Variants in GPR176 observed in about 807,000 individuals in gnomAD.
GPR176 encodes G-protein coupled receptor 176.
Under a neutral mutation model 35.4 loss-of-function variants are expected in GPR176, and 26 were observed. The observed-to-expected ratio is 0.74, with a 90% CI of 0.54 to 1.02. GPR176 has a LOEUF of 1.02. GPR176 is among the 50% of genes least tolerant of loss of function. GPR176 has a pLI of 0.00. For synonymous variants in GPR176, 278 were observed against 271.3 expected (o/e 1.02, Z -0.24); for missense variants, 597 against 665.3 (o/e 0.90, Z 1.13).
chr15:39,903,875 G>A (rs893357932), intron 1 of GPR176, among the ~76,000 whole-genome samples: 1 of 152,194 alleles, frequency 6.6e-6, no homozygotes, highest in East Asian at 1.9e-4. Context: ...CCCATAGGGT[G>A]AAGTGAAAGC....
intron 1 of GPR176, among the ~76,000 whole-genome samples, chr15:39,863,807 CGTA>C (rs1291121969): frequency 6.6e-6 from 1 of 152,168 alleles, no homozygotes; most frequent in Non-Finnish European, 1.5e-5. Context: ...AGCCTAGGTA[CGTA>C]GCAGGCTGTA....
rs1317842717 is a variant in GPR176 at position 39,865,905 on chromosome 15, T to G, written c.172+53950A>C. Among the ~76,000 whole-genome samples the G allele has an allele frequency of 3.9e-5, 6 of 152,266 alleles. No homozygotes were observed. In the East Asian group the frequency reaches 1.2e-3, roughly 29 times the overall value. On this transcript the variant is annotated intron_variant, in intron 1 of 2. Transcript: ENST00000561100. ...ATAAAACAATATATGAAATAGTTAT[T>G]CATTGTAGCATTAGTTGTAACGGTG... is the stretch of plus-strand genomic sequence containing the variant.
intron 1 of GPR176, among the ~76,000 whole-genome samples, chr15:39,856,423 T>C (rs2031223938): frequency 6.6e-6 from 1 of 152,202 alleles, no homozygotes; most frequent in South Asian, 2.1e-4. Context: ...GTATGATGGG[T>C]AAGTCAGGAA....
chr15:39,809,800 G>A (rs114121523), intron 1 of GPR176, among the ~76,000 whole-genome samples: 2,468 of 152,272 alleles, frequency 0.016, 69 homozygotes, highest in African/African-American at 0.057. Flanking sequence ...CCCTGGGACT[G>A]CTGTAACTAT....
At chr15:39,840,918 AG>A (rs1472409706) in intron 1 of GPR176, among the ~76,000 whole-genome samples, 2 of 152,152 alleles carry the variant, frequency 1.3e-5, no homozygotes, top group African/African-American at 4.8e-5. Context: ...AGGTATTACT[AG>A]TTGCCCCCTG....
chr15:39,831,972 C>T (rs187004250), intron 1 of GPR176, among the ~76,000 whole-genome samples: 4 of 149,552 alleles, frequency 2.7e-5, no homozygotes, highest in Admixed American at 1.4e-4. Flanking sequence ...CCTGCTCCCT[C>T]TAATATCACA....
chr15:39,856,256 T>C (rs2031210524), intron 1 of GPR176, among the ~76,000 whole-genome samples: 2 of 152,252 alleles, frequency 1.3e-5, no homozygotes, highest in Admixed American at 6.5e-5. Context: ...CATACGCTGC[T>C]TTGTTTTCTT....
intron 1 of GPR176, among the ~76,000 whole-genome samples, chr15:39,875,094 G>A (rs2032192540): frequency 6.6e-6 from 1 of 152,156 alleles, no homozygotes; most frequent in African/African-American, 2.4e-5. Context: ...GCAAACGTGA[G>A]TCTACCATAG....
intron 1 of GPR176, chr15:39,862,373 T>G (rs1157585817): frequency 6.6e-6 from 1 of 152,196 alleles, no homozygotes; most frequent in Non-Finnish European, 1.5e-5. Context: ...AAAAGCAGGC[T>G]TTTTGATGCA....
chr15:39,862,677 G>A (rs963056425), intron 1 of GPR176, among the ~76,000 whole-genome samples: 7 of 152,212 alleles, frequency 4.6e-5, no homozygotes, highest in African/African-American at 1.7e-4. Context: ...CATTATTCAT[G>A]TGTTTGTGGT....
At chr15:39,852,884 A>C (rs535370268) in intron 1 of GPR176, among the ~76,000 whole-genome samples, 1 of 152,186 alleles carries the variant, frequency 6.6e-6, no homozygotes, top group Non-Finnish European at 1.5e-5. Context: ...ACCCATTAGG[A>C]TAACTACTAT....
intron 1 of GPR176, among the ~76,000 whole-genome samples, chr15:39,894,781 G>T (rs1482173881): frequency 6.6e-6 from 1 of 151,122 alleles, no homozygotes; most frequent in Non-Finnish European, 1.5e-5. Context: ...GATGATGGGC[G>T]GCCAGGCAGA....
At chr15:39,865,146 T>C (rs1439832697) in intron 1 of GPR176, among the ~76,000 whole-genome samples, 1 of 152,050 alleles carries the variant, frequency 6.6e-6, no homozygotes, top group African/African-American at 2.4e-5. Context: ...TATGAAAATT[T>C]CTCAAAGAAT....
In GPR176 at chr15:39,877,265, G is replaced by C. The variant is rs79408760; in HGVS notation, c.172+42590C>G. On this transcript the variant is annotated intron_variant, in intron 1 of 2. Coordinates refer to ENST00000561100, the MANE Select transcript of GPR176 (RefSeq NM_007223.3). ...CAGAAAACACAAAAACAAGATGGAG[G>C]ACAAAGCTAAGAGGAGAATAAGTTT... Among the ~76,000 whole-genome samples, 36 of 152,118 alleles carry C rather than the reference G, an allele frequency of 2.4e-4. 2 individuals are homozygous for C. The East Asian group carries it at 7.0e-3, about 29-fold the overall frequency.
chr15:39,888,789 T>C (rs2032762244), intron 1 of GPR176, among the ~76,000 whole-genome samples: 1 of 152,202 alleles, frequency 6.6e-6, no homozygotes, highest in Non-Finnish European at 1.5e-5. Flanking sequence ...TTAGACACAA[T>C]TTCCATTTCC....
chr15:39,898,555 G>A (rs1379700477), intron 1 of GPR176, among the ~76,000 whole-genome samples: 1 of 152,164 alleles, frequency 6.6e-6, no homozygotes, highest in African/African-American at 2.4e-5. Context: ...GACAGAGGAA[G>A]AGCAAAAGCA....
At position 39,800,529 on chromosome 15, in the gene GPR176, G is replaced by GATAGATGTACGATTCCAA. The variant is rs1898785965; in HGVS notation, c.*602_*603insTTGGAATCGTACATCTAT. Reference sequence around the variant, plus strand: ...ACATCTATCGCCATGTGTACCATAGGTGAGGAATCGTCATTCCTTACCTAC... The same window carrying GATAGATGTACGATTCCAA: ...ACATCTATCGCCATGTGTACCATAGGATAGATGTACGATTCCAATGAGGAATCGTCATTCCTTACCTAC... On this transcript the variant is annotated 3_prime_UTR_variant, in exon 3 of 3. Coordinates refer to ENST00000561100, the MANE Select transcript of GPR176 (RefSeq NM_007223.3). 1.3e-5 allele frequency: 2 copies of GATAGATGTACGATTCCAA among 153,320 alleles called. No homozygotes were observed. The highest frequency in any genetic ancestry group is 2.9e-5 in the Non-Finnish European group (2 of 68,910). The allele number at this position is 153,320 out of a possible 1,614,324, so 9.5% of individuals were successfully genotyped here. A position where few individuals can be genotyped will look rare whatever the true frequency, so the allele number is the denominator to read the frequency against.
chr15:39,817,460 A>T (rs545371477), intron 1 of GPR176, among the ~76,000 whole-genome samples: 1 of 152,344 alleles, frequency 6.6e-6, no homozygotes, highest in Non-Finnish European at 1.5e-5. Flanking sequence ...GATTTCACTA[A>T]AGGGATTCAA....
chr15:39,898,307 G>T (rs535972281), intron 1 of GPR176, among the ~76,000 whole-genome samples: 1 of 151,980 alleles, frequency 6.6e-6, no homozygotes, highest in African/African-American at 2.4e-5. Flanking sequence ...AAACCCTTCA[G>T]TAAGATTGAC....
Sources: allele counts gnomAD v4.1 joint callset (sites outside exome capture counted in the v4.1 genomes callset), GRCh38; gene constraint gnomAD v4.1.1; transcripts MANE v1.5; gene names NCBI Gene and HGNC (gene_info 2026-07-23, HGNC 2026-07-21).